CAMTA1: variants seen among roughly 807,000 people sequenced by gnomAD.
CAMTA1 encodes the protein calmodulin binding transcription activator 1, also known as calmodulin-binding transcription activator 1.
CAMTA1 carries 27 observed loss-of-function variants against 170.9 expected under a neutral mutation model. The observed-to-expected ratio is 0.16, with a 90% CI of 0.12 to 0.22. The LOEUF is 0.22. Ranked by LOEUF, CAMTA1 falls within the 10% of genes least tolerant of loss-of-function variation. The pLI, the probability that CAMTA1 is intolerant of heterozygous loss-of-function variation, is 1.00. For synonymous variants in CAMTA1, 833 were observed against 891.5 expected (o/e 0.93, Z 1.17); for missense variants, 1,619 against 2,217.2 (o/e 0.73, Z 5.42).
chr1:7,699,519 C>T (rs995430084), intron 11 of CAMTA1, among the ~76,000 whole-genome samples: 8 of 152,142 alleles, frequency 5.3e-5, no homozygotes, highest in African/African-American at 1.9e-4. Context: ...CTTTCATTCT[C>T]TTGGATATAT....
chr1:7,439,317 G>A (rs1228167936), intron 5 of CAMTA1, among the ~76,000 whole-genome samples: 1 of 152,174 alleles, frequency 6.6e-6, no homozygotes, highest in Non-Finnish European at 1.5e-5. Flanking sequence ...CGTTGGCTGC[G>A]ACTCTGATGT....
At chr1:7,574,286 A>ACAC (rs150009811) in intron 6 of CAMTA1, among the ~76,000 whole-genome samples, 306 of 152,268 alleles carry the variant, frequency 2.0e-3, no homozygotes, top group African/African-American at 6.8e-3. Context: ...TTCCAAGCAG[A>ACAC]CACTGCCAGG....
At chr1:7,655,207 CAA>C (rs1203643906) in intron 7 of CAMTA1, among the ~76,000 whole-genome samples, 7 of 130,380 alleles carry the variant, frequency 5.4e-5, no homozygotes, top group African/African-American at 2.0e-4. Flanking sequence ...CCTATACACA[CAA>C]ACACACCCAT....
chr1:7,005,730 C>T (rs1457204301), intron 3 of CAMTA1, among the ~76,000 whole-genome samples: 2 of 152,212 alleles, frequency 1.3e-5, no homozygotes, highest in Non-Finnish European at 2.9e-5. Flanking sequence ...CTTGGGAAGG[C>T]TTCCTCGAGG....
At chr1:7,267,212 A>T (rs1326366305) in intron 5 of CAMTA1, among the ~76,000 whole-genome samples, 1 of 152,050 alleles carries the variant, frequency 6.6e-6, no homozygotes, top group Non-Finnish European at 1.5e-5. Flanking sequence ...CCCTTCTTGG[A>T]GTAGAGTTAC....
chr1:7,216,914 G>A lies in CAMTA1; in HGVS notation c.303-32577G>A, dbSNP rs141203783. On this transcript the variant is annotated intron_variant, in intron 4 of 22. Coordinates refer to ENST00000303635, the MANE Select transcript of CAMTA1 (RefSeq NM_015215.4). This position sits in a 1 kb window ranked among gnomAD's most constrained non-coding sequence, Gnocchi z 4.0. ...GGAATGTGATTTTTAGCATTAGAAG[G>A]TGTCATAATGTTGTTTCTTAAATTA... Among the ~76,000 whole-genome samples, 2 of 152,152 alleles carry A rather than the reference G, an allele frequency of 1.3e-5. No individual in the cohort carries two copies. Among genetic ancestry groups the A allele is most frequent in the Admixed American group, 1.3e-4 (2 of 15,282 alleles).
At chr1:7,265,114 G>A (rs1479528399) in intron 5 of CAMTA1, among the ~76,000 whole-genome samples, 3 of 152,054 alleles carry the variant, frequency 2.0e-5, no homozygotes, top group African/African-American at 7.2e-5. Flanking sequence ...CGAGTTAGAT[G>A]TGCCAGTGCC....
At position 6,805,130 on chromosome 1, in the gene CAMTA1, T is replaced by C. The variant is rs377641719; in HGVS notation, c.46-15051T>C. On this transcript the variant is annotated intron_variant, in intron 1 of 22. Transcript: ENST00000303635. ...ACTTTTCCAAAGTGGTTAGATCATATTACATTCCCACCAGCAAGTATGAGA... is the reference window on the plus strand; with the variant it reads ...ACTTTTCCAAAGTGGTTAGATCATACTACATTCCCACCAGCAAGTATGAGA... Among the ~76,000 whole-genome samples, 25 of 152,376 alleles carry C rather than the reference T, an allele frequency of 1.6e-4. No individual in the cohort carries two copies. The East Asian group carries it at 2.5e-3, about 15-fold the overall frequency.
chr1:7,271,859 A>G (rs1472230886), intron 5 of CAMTA1, among the ~76,000 whole-genome samples: 1 of 152,154 alleles, frequency 6.6e-6, no homozygotes, highest in African/African-American at 2.4e-5. Flanking sequence ...ATCAAATTAG[A>G]TAACTTAGAT....
At chr1:6,898,597 A>G (rs1676169055) in intron 3 of CAMTA1, among the ~76,000 whole-genome samples, 1 of 152,222 alleles carries the variant, frequency 6.6e-6, no homozygotes, top group Non-Finnish European at 1.5e-5. Flanking sequence ...TTCTGTCTCC[A>G]GGCAGATAAG....
At chr1:6,966,421 T>C (rs1361755728) in intron 3 of CAMTA1, among the ~76,000 whole-genome samples, 1 of 152,150 alleles carries the variant, frequency 6.6e-6, no homozygotes, top group Admixed American at 6.5e-5. Flanking sequence ...TCATTTCATA[T>C]AAATGGAACC....
chr1:7,493,306 T>C (rs2093762499), intron 6 of CAMTA1, among the ~76,000 whole-genome samples: 2 of 73,726 alleles, frequency 2.7e-5, no homozygotes, highest in Admixed American at 2.7e-4. Context: ...AACATACAAA[T>C]GCGCACACAA....
At chr1:6,850,712 T>A (rs2148801789) in intron 3 of CAMTA1, among the ~76,000 whole-genome samples, 1 of 152,324 alleles carries the variant, frequency 6.6e-6, no homozygotes, top group African/African-American at 2.4e-5. Flanking sequence ...AGTCATTTCT[T>A]TCCCAGAGGA....
At chr1:7,187,801 G>C (rs1347940752) in intron 4 of CAMTA1, among the ~76,000 whole-genome samples, 1 of 152,170 alleles carries the variant, frequency 6.6e-6, no homozygotes, top group African/African-American at 2.4e-5. Flanking sequence ...CTTGAGGCCA[G>C]GGTCTGTATT....
chr1:7,253,273 C>CG (rs1239211018), intron 5 of CAMTA1, among the ~76,000 whole-genome samples: 1 of 152,122 alleles, frequency 6.6e-6, no homozygotes, highest in African/African-American at 2.4e-5. Context: ...ACCCTGGTTC[C>CG]GGGGTCACTG....
At chr1:7,461,332 A>C (rs936374616) in intron 5 of CAMTA1, among the ~76,000 whole-genome samples, 1 of 152,142 alleles carries the variant, frequency 6.6e-6, no homozygotes, top group Non-Finnish European at 1.5e-5. Flanking sequence ...TGTCTTTGCC[A>C]AACATCTCTG....
rs560821761 is a variant in CAMTA1 at position 7,639,042 on chromosome 1, G to A, written c.511-1358G>A. Among the ~76,000 whole-genome samples the A allele has an allele frequency of 1.1e-3, 161 of 152,250 alleles. 1 individual carries two copies. Among genetic ancestry groups the A allele is most frequent in the South Asian group, 1.9e-3 (9 of 4,820 alleles). ...TGCCCAGGCTGGAGTGCAGGGGTGC[G>A]ATCTCGGCTCACTGCAAGCTCTGCC... On this transcript the variant is annotated intron_variant, in intron 6 of 22. Transcript: ENST00000303635.
intron 5 of CAMTA1, among the ~76,000 whole-genome samples, chr1:7,376,905 C>T (rs2086882443): frequency 6.6e-6 from 1 of 152,206 alleles, no homozygotes; most frequent in Non-Finnish European, 1.5e-5. Flanking sequence ...TGTCCTCAGC[C>T]TGTGTCCAAA....
chr1:6,812,813 A>C (rs533051180), intron 1 of CAMTA1, among the ~76,000 whole-genome samples: 1 of 152,224 alleles, frequency 6.6e-6, no homozygotes, highest in Non-Finnish European at 1.5e-5. Flanking sequence ...ATCTGGCTTG[A>C]TATATTGTAA....
Sources: allele counts gnomAD v4.1 joint callset (sites outside exome capture counted in the v4.1 genomes callset), GRCh38; gene constraint gnomAD v4.1.1; non-coding constraint Gnocchi (gnomAD v3.1); transcripts MANE v1.5; gene names NCBI Gene and HGNC (gene_info 2026-07-23, HGNC 2026-07-21).